The following KIF26B variants were observed in gnomAD, a reference collection of about 807,000 sequenced individuals.
KIF26B encodes the protein kinesin-like protein KIF26B.
KIF26B carries 63 observed loss-of-function variants against 151.2 expected under a neutral mutation model. The observed-to-expected ratio is 0.42, with a 90% CI of 0.34 to 0.51. The LOEUF (loss-of-function observed/expected upper bound fraction) is 0.51, where lower values mean the gene tolerates loss of function less well. KIF26B is among the 20% of genes least tolerant of loss of function. The pLI is 0.07. For missense variants in KIF26B, 2,813 were observed against 2,913.6 expected, an observed-to-expected ratio of 0.97 and a Z score of 0.79; for synonymous variants, 1,357 against 1,262.1, an observed-to-expected ratio of 1.08 and a Z score of -1.59.
chr1:245,671,501 C>T (rs2044285982), intron 10 of KIF26B, among the ~76,000 whole-genome samples: 1 of 152,054 alleles, frequency 6.6e-6, no homozygotes, highest in Admixed American at 6.6e-5. Context: ...GGAGTTGTTA[C>T]TTAATGGGTA....
At chr1:245,351,075 G>A (rs1202745763) in intron 2 of KIF26B, among the ~76,000 whole-genome samples, 7 of 152,286 alleles carry the variant, frequency 4.6e-5, no homozygotes, top group African/African-American at 9.6e-5. Context: ...ACTGTAGACC[G>A]GGGAAGACAC....
chr1:245,614,944 AT>A (rs1240491648), intron 9 of KIF26B: 10 of 24,122 alleles, frequency 4.1e-4, no homozygotes, highest in Admixed American at 4.0e-3. Flanking sequence ...GGATGAGGAG[AT>A]GCAGACCTTT....
At chr1:245,334,792 G>A (rs1463534069) in intron 2 of KIF26B, among the ~76,000 whole-genome samples, 1 of 152,210 alleles carries the variant, frequency 6.6e-6, no homozygotes, top group Non-Finnish European at 1.5e-5. Flanking sequence ...CCTCCGTCAA[G>A]TACTTTCCAT....
At chr1:245,608,691 T>G (rs2043483706) in intron 7 of KIF26B, among the ~76,000 whole-genome samples, 1 of 152,162 alleles carries the variant, frequency 6.6e-6, no homozygotes, top group Admixed American at 6.5e-5. Context: ...GGATAGCATG[T>G]GATATTTGGG....
At chr1:245,473,456 C>T (rs146643726) in intron 4 of KIF26B, among the ~76,000 whole-genome samples, 11 of 152,246 alleles carry the variant, frequency 7.2e-5, no homozygotes, top group South Asian at 4.2e-4. Context: ...GCAAGCTAGG[C>T]GAGTGTGCCC....
At chr1:245,157,141 C>T (rs1191814771) in intron 2 of KIF26B, among the ~76,000 whole-genome samples, 1 of 152,120 alleles carries the variant, frequency 6.6e-6, no homozygotes, top group African/African-American at 2.4e-5. Flanking sequence ...TCCGCGGTTG[C>T]AGAAACAGAA....
In KIF26B at chr1:245,283,624, G is replaced by A. The variant is rs563767055; in HGVS notation, c.466-83210G>A. On this transcript the variant is annotated intron_variant, in intron 2 of 14. Transcript: ENST00000407071. ...CTGTGTGCAAAAAAGTATATGTAGT[G>A]TAAAGATAAGGTTTAAAGAATAGTG... Among the ~76,000 whole-genome samples the A allele has an allele frequency of 1.1e-4, 17 of 151,270 alleles. No individual in the cohort carries two copies. The South Asian group carries it at 3.3e-3, about 30-fold the overall frequency.
chr1:245,420,394 G>A (rs1658456842), intron 4 of KIF26B, among the ~76,000 whole-genome samples: 1 of 152,252 alleles, frequency 6.6e-6, no homozygotes, highest in African/African-American at 2.4e-5. Flanking sequence ...TTCAGGGATT[G>A]TCTGGTTCCA....
chr1:245,445,831 C>T (rs4658774), intron 4 of KIF26B, among the ~76,000 whole-genome samples: 18,030 of 152,228 alleles, frequency 0.12, 1,115 homozygotes, highest in African/African-American at 0.15. Flanking sequence ...AACTCCATTC[C>T]TCCAGTCACA....
intron 6 of KIF26B, among the ~76,000 whole-genome samples, chr1:245,607,446 A>G (rs1230245735): frequency 1.3e-5 from 2 of 152,212 alleles, no homozygotes; most frequent in Admixed American, 6.5e-5. Context: ...TTTGCAGTGC[A>G]TGTGCATAAT....
At chr1:245,683,006 T>C (rs1221680647) in intron 10 of KIF26B, among the ~76,000 whole-genome samples, 1 of 152,218 alleles carries the variant, frequency 6.6e-6, no homozygotes, top group Non-Finnish European at 1.5e-5. Context: ...TACATTGCTC[T>C]GGAAGTGAGC....
rs900224391 is a variant in KIF26B, at chr1:245,367,046, C to T, written c.678C>T (p.Asn226=). The part of the protein sequence containing the change: ...ASPCSPPPLS[N]IPTLVGSRHV... Reference sequence around the variant, plus strand: ...CCTGCTCCCCGCCACCGCTCTCCAACATCCCCACCCTGGTGGGGTCCCGGC... The same window carrying T: ...CCTGCTCCCCGCCACCGCTCTCCAATATCCCCACCCTGGTGGGGTCCCGGC... Residue 226 remains asparagine, a synonymous_variant, in exon 3 of 15, where the codon AAC becomes AAT. Coordinates refer to ENST00000407071, the MANE Select transcript of KIF26B (RefSeq NM_018012.4). The surrounding 1 kb of genome is among the most constrained non-coding windows in gnomAD (Gnocchi z 4.2). 1.2e-6 allele frequency: 2 copies of T among 1,609,798 alleles called. No individual in the cohort carries two copies. The highest frequency in any genetic ancestry group is 1.7e-6 in the Non-Finnish European group (2 of 1,178,170).
intron 2 of KIF26B, among the ~76,000 whole-genome samples, chr1:245,159,116 C>CAT (rs532180888): frequency 5.4e-4 from 82 of 152,254 alleles, no homozygotes; most frequent in Admixed American, 9.1e-4. Context: ...GTGACTCCAA[C>CAT]ATGCAGTTCG....
chr1:245,340,845 A>G (rs779976068), intron 2 of KIF26B, among the ~76,000 whole-genome samples: 3 of 152,122 alleles, frequency 2.0e-5, no homozygotes, highest in African/African-American at 4.8e-5. Context: ...AGCTTCTCTG[A>G]GGGTGCGACG....
Position 245,352,774 on chromosome 1 carries a change from T to C in KIF26B, c.466-14060T>C, listed in dbSNP as rs1672597485. 6.6e-6 allele frequency among the ~76,000 whole-genome samples: 1 copy of C among 152,162 alleles called. No homozygotes were observed. Among genetic ancestry groups the C allele is most frequent in the Admixed American group, 6.6e-5 (1 of 15,260 alleles). The stretch of plus-strand genomic sequence containing the variant: ...TCAACTCCTGAGCCTGTCTTACTAG[T>C]ACGGGTTCCCCAACCCCACGACTAG... On this transcript the variant is annotated intron_variant, in intron 2 of 14. Coordinates refer to ENST00000407071, the MANE Select transcript of KIF26B (RefSeq NM_018012.4). The surrounding 1 kb of genome is among the most constrained non-coding windows in gnomAD (Gnocchi z 5.0).
chr1:245,413,408 A>T (rs975286332), intron 3 of KIF26B, among the ~76,000 whole-genome samples: 2 of 152,228 alleles, frequency 1.3e-5, no homozygotes, highest in Non-Finnish European at 2.9e-5. Flanking sequence ...CACGCCTGTA[A>T]TCCTAGCACT....
chr1:245,237,418 A>T (rs1234599004), intron 2 of KIF26B, among the ~76,000 whole-genome samples: 1 of 152,046 alleles, frequency 6.6e-6, no homozygotes, highest in Non-Finnish European at 1.5e-5. Flanking sequence ...GAGTTTTTGT[A>T]ACGGGAAAGT....
chr1:245,532,478 C>T (rs142342976), intron 4 of KIF26B, among the ~76,000 whole-genome samples: 2,296 of 152,090 alleles, frequency 0.015, 54 homozygotes, highest in African/African-American at 0.052. Context: ...ATCTCCCGAC[C>T]TCGTGATCCG....
At chr1:245,384,238 T>C (rs888282123) in intron 3 of KIF26B, among the ~76,000 whole-genome samples, 1 of 152,122 alleles carries the variant, frequency 6.6e-6, no homozygotes, top group Admixed American at 6.6e-5. Context: ...AAGTCCACTG[T>C]CTCTCTCCAC....
Sources: gnomAD v4.1 joint callset for allele counts (sites outside exome capture counted in the v4.1 genomes callset) on GRCh38, gnomAD v4.1.1 for gene constraint, Gnocchi (gnomAD v3.1) non-coding constraint, MANE v1.5 for transcripts, NCBI Gene and HGNC (gene_info 2026-07-23, HGNC 2026-07-21) for gene names.